Variants in SNX5 observed in about 807,000 individuals in gnomAD.
SNX5 encodes the protein sorting nexin 5.
Under a neutral mutation model 53.9 loss-of-function variants are expected in SNX5, and 31 were observed. That is an observed-to-expected ratio of 0.58 (90% CI 0.43 to 0.78). The LOEUF (loss-of-function observed/expected upper bound fraction) is 0.78. Among genes scored for constraint, SNX5 ranks in the 30% least tolerant of loss-of-function variants. The probability of loss-of-function intolerance (pLI) is 0.00; values close to 1 mark genes in which losing one functional copy is unlikely to be tolerated. For synonymous variants in SNX5, 168 were observed against 171.1 expected (o/e 0.98, Z 0.14); for missense variants, 471 against 478.8 (o/e 0.98, Z 0.15).
In SNX5 at chr20:17,954,023, A is replaced by G. The variant is rs1380134146; in HGVS notation, c.362T>C (p.Phe121Ser). The G allele has an allele frequency of 6.2e-7, 1 of 1,613,914 alleles. No individual in the cohort carries two copies. The highest frequency in any genetic ancestry group is 1.7e-5 in the Admixed American group (1 of 60,006). Reference protein sequence around the residue: ...EGEGSMTKEEFAKMKQELEAE... With the variant: ...EGEGSMTKEESAKMKQELEAE... Reference sequence around the variant, plus strand: ...TTCCAGTTCTTGTTTCATCTTGGCAAATTCTTCTTTGGTCATAGACCCTTC... The same window carrying G: ...TTCCAGTTCTTGTTTCATCTTGGCAGATTCTTCTTTGGTCATAGACCCTTC... Residue 121 changes from phenylalanine to serine, a missense_variant, in exon 4 of 13, where the codon TTT (phenylalanine) becomes TCT (serine). Phe to Ser is a radical substitution (Grantham distance 155). Transcript: ENST00000377759.
At chr20:17,964,965 C>T (rs1448408838) in intron 1 of SNX5, among the ~76,000 whole-genome samples, 1 of 152,222 alleles carries the variant, frequency 6.6e-6, no homozygotes, top group African/African-American at 2.4e-5. Flanking sequence ...TCTTTCACCA[C>T]CTTTTGTTAA....
chr20:17,965,670 C>A (rs1252456642), intron 1 of SNX5, among the ~76,000 whole-genome samples: 1,861 of 96,026 alleles, frequency 0.019, no homozygotes, highest in Middle Eastern at 0.025. Context: ...GACCCTGTCT[C>A]AAAAAAAAAA....
chr20:17,943,256 T>A, intron 11 of SNX5, 61 bp from the exon 12 acceptor site: 1 of 1,077,866 alleles, frequency 9.3e-7, no homozygotes, highest in Non-Finnish European at 1.4e-6. Context: ...ATGTTCACTT[T>A]AACTACCAAA....
At chr20:17,950,231 T>C (rs1568590154) in intron 7 of SNX5, 24 bp from the exon 8 acceptor site, 3 of 1,613,940 alleles carry the variant, frequency 1.9e-6, no homozygotes, top group Admixed American at 1.7e-5. Context: ...GACAAGTCTT[T>C]TTATCCAAAC....
Position 17,968,463 on chromosome 20 carries a change from C to A in SNX5, c.-38G>T, listed in dbSNP as rs1276141616. On this transcript the variant is annotated 5_prime_UTR_variant, in exon 1 of 13. Transcript: ENST00000377759. The stretch of plus-strand genomic sequence containing the variant: ...CTCGAGCAGGGGCCGCCTGGCTGTG[C>A]GAGGAAAGAAGAAGCTGGGCCGCCG... The A allele has an allele frequency of 1.6e-6, 2 of 1,288,748 alleles. No individual in the cohort carries two copies. The highest frequency in any genetic ancestry group is 6.2e-5 in the East Asian group (2 of 32,042). 79.8% of individuals were successfully genotyped at this position (1,288,748 alleles called of 1,614,324 possible). A position where few individuals can be genotyped will look rare whatever the true frequency, so the allele number is the denominator to read the frequency against.
At chr20:17,950,763 G>A (rs977826630) in intron 6 of SNX5, among the ~76,000 whole-genome samples, 5 of 152,330 alleles carry the variant, frequency 3.3e-5, no homozygotes, top group African/African-American at 4.8e-5. Flanking sequence ...TTCAGACTGG[G>A]AGGAAATCCT....
At chr20:17,956,330 G>A (rs2035355677) in intron 2 of SNX5, among the ~76,000 whole-genome samples, 1 of 152,148 alleles carries the variant, frequency 6.6e-6, no homozygotes, top group South Asian at 2.1e-4. Context: ...AAGCCGCCCA[G>A]GCGTTAAGAA....
intron 1 of SNX5, chr20:17,962,933 AATC>A (rs2035482379): frequency 3.9e-6 from 2 of 516,560 alleles, no homozygotes; most frequent in African/African-American, 1.9e-5. Context: ...GGATAAACTG[AATC>A]ATCATTTCAC....
intron 1 of SNX5, among the ~76,000 whole-genome samples, chr20:17,958,154 T>C (rs117493046): frequency 1.3e-5 from 2 of 152,280 alleles, no homozygotes; most frequent in East Asian, 1.9e-4. Context: ...GAGGAACTCA[T>C]AGCGTAAGCA....
intron 1 of SNX5, chr20:17,962,929 A>G (rs1249357576): frequency 1.9e-6 from 1 of 517,166 alleles, no homozygotes; most frequent in Non-Finnish European, 3.9e-6. Context: ...GAATGGATAA[A>G]CTGAATCATC....
In SNX5 at chr20:17,952,570, G is replaced by C; in HGVS notation, c.513+17C>G. On this transcript the variant is annotated intron_variant, in intron 5 of 12. Transcript: ENST00000377759. ...ACATTTGAAGTGGATTATCAAAATG[G>C]AATAAAAATGCCTTACATCCTGATC... 1 of 1,608,034 alleles carries C rather than the reference G, an allele frequency of 6.2e-7. No individual in the cohort carries two copies. The highest frequency in any genetic ancestry group is 8.5e-7 in the Non-Finnish European group (1 of 1,177,192).
intron 4 of SNX5, 31 bp from the exon 5 acceptor site, chr20:17,952,741 T>C: frequency 6.2e-7 from 1 of 1,609,038 alleles, no homozygotes; most frequent in Non-Finnish European, 8.5e-7. Flanking sequence ...GGCATTCAGT[T>C]GACACAGCTC....
chr20:17,959,289 A>G (rs2035411880), intron 1 of SNX5, among the ~76,000 whole-genome samples: 1 of 152,210 alleles, frequency 6.6e-6, no homozygotes, highest in East Asian at 1.9e-4. Flanking sequence ...TCCTCTGAAT[A>G]ATTATCTTCT....
rs541108463 is a variant in SNX5, at chr20:17,949,048, A to G, written c.831+16T>C. 1 of 1,611,292 alleles carries G rather than the reference A, an allele frequency of 6.2e-7. No homozygotes were observed. Among genetic ancestry groups the G allele is most frequent in the East Asian group, 2.2e-5 (1 of 44,860 alleles). ...TATAAAATATATATTATGAAGACCA[A>G]CACAGAAATCCTTACCCTTAGTTTT... On this transcript the variant is annotated intron_variant, in intron 9 of 12. Transcript: ENST00000377759.
chr20:17,956,023 C>T (rs979603558), intron 2 of SNX5, among the ~76,000 whole-genome samples: 3 of 152,164 alleles, frequency 2.0e-5, no homozygotes, highest in Admixed American at 6.5e-5. Context: ...ACGATCTGCC[C>T]ATCTTGTCCT....
In SNX5 at chr20:17,961,946, C is replaced by A. The variant is rs1600353028; in HGVS notation, c.52-4909G>T. ...TAAAATTCAAAGATGTTCTGTCACA[C>A]TCTAGATTTGTATTAATGTCCACAA... On this transcript the variant is annotated intron_variant, in intron 1 of 12. Coordinates refer to ENST00000377759, the MANE Select transcript of SNX5 (RefSeq NM_014426.4). The A allele has an allele frequency of 3.1e-6, 3 of 981,382 alleles. No individual in the cohort carries two copies. In the Admixed American group the frequency reaches 1.8e-4, roughly 60 times the overall value. 60.8% of individuals were successfully genotyped at this position (981,382 alleles called of 1,614,324 possible).
chr20:17,949,014 G>T, intron 9 of SNX5, 38 bp from the exon 10 acceptor site: 2 of 1,606,052 alleles, frequency 1.2e-6, no homozygotes, highest in Non-Finnish European at 1.7e-6. Context: ...AAGGCAGAAA[G>T]CTATAGATTA....
At chr20:17,945,890 CAAGA>C (rs2039482097) in intron 11 of SNX5, among the ~76,000 whole-genome samples, 1 of 152,138 alleles carries the variant, frequency 6.6e-6, no homozygotes, top group East Asian at 1.9e-4. Context: ...CACTGGGAAA[CAAGA>C]AAGTTAGGAA....
At chr20:17,943,032 G>T in intron 12 of SNX5, 78 bp downstream of exon 12, 1 of 992,592 alleles carries the variant, frequency 1.0e-6, no homozygotes, top group Non-Finnish European at 1.6e-6. Context: ...ACTGCCTGAT[G>T]ACAATGGGTT....
Sources: gnomAD v4.1 joint callset for allele counts (sites outside exome capture counted in the v4.1 genomes callset) on GRCh38, gnomAD v4.1.1 for gene constraint, MANE v1.5 for transcripts, NCBI Gene and HGNC (gene_info 2026-07-23, HGNC 2026-07-21) for gene names.